The following CA10 variants were observed in gnomAD, a reference collection of about 807,000 sequenced individuals.
CA10 encodes carbonic anhydrase-related protein 10.
Under a neutral mutation model 44.2 loss-of-function variants are expected in CA10, and 14 were observed. That is an observed-to-expected ratio of 0.32 (90% CI 0.21 to 0.50). CA10 has a LOEUF of 0.50. Ranked by LOEUF, CA10 falls within the 20% of genes least tolerant of loss-of-function variation. CA10 has a pLI of 0.99. For synonymous variants in CA10, 159 were observed against 141.6 expected (o/e 1.12, Z -0.87); for missense variants, 350 against 409.7 (o/e 0.85, Z 1.26).
At chr17:52,047,700 C>T (rs1986949917) in intron 2 of CA10, among the ~76,000 whole-genome samples, 1 of 151,758 alleles carries the variant, frequency 6.6e-6, no homozygotes, top group African/African-American at 2.4e-5. Flanking sequence ...AGTTTTTCTT[C>T]TATAGTTATG....
intron 2 of CA10, among the ~76,000 whole-genome samples, chr17:51,960,326 A>T (rs1402248316): frequency 6.6e-6 from 1 of 152,080 alleles, no homozygotes; most frequent in Non-Finnish European, 1.5e-5. Context: ...GGGGGCAGGT[A>T]AGAGATTGGT....
In CA10 at chr17:51,819,145, G is replaced by T. The variant is rs1038903971; in HGVS notation, c.280-71327C>A. Among the ~76,000 whole-genome samples the T allele has an allele frequency of 1.3e-5, 2 of 152,174 alleles. 1 individual carries two copies. Among genetic ancestry groups the T allele is most frequent in the South Asian group, 4.1e-4 (2 of 4,826 alleles). On this transcript the variant is annotated intron_variant, in intron 3 of 8. Coordinates refer to ENST00000451037, the MANE Select transcript of CA10 (RefSeq NM_020178.5). ...ATCTTAGAAAATCACTGCTAGTTTAGGTCTCTTGCTTGGAATTACTAAATG... is the reference window on the plus strand; with the variant it reads ...ATCTTAGAAAATCACTGCTAGTTTATGTCTCTTGCTTGGAATTACTAAATG...
chr17:52,058,117 G>T (rs897378554), intron 2 of CA10, among the ~76,000 whole-genome samples: 3 of 152,088 alleles, frequency 2.0e-5, no homozygotes, highest in African/African-American at 4.8e-5. Flanking sequence ...CTTACATGAG[G>T]TAGTGTCTTT....
chr17:51,937,862 A>T (rs1319478475), intron 2 of CA10, among the ~76,000 whole-genome samples: 2 of 152,160 alleles, frequency 1.3e-5, no homozygotes, highest in Non-Finnish European at 2.9e-5. Context: ...TAGAGAGTGC[A>T]TTATTTTAAT....
At chr17:52,083,826 A>T (rs181148114) in intron 1 of CA10, among the ~76,000 whole-genome samples, 1 of 152,088 alleles carries the variant, frequency 6.6e-6, no homozygotes, top group East Asian at 1.9e-4. Flanking sequence ...ATAGAGACTT[A>T]TGTTGATTCC....
intron 2 of CA10, among the ~76,000 whole-genome samples, chr17:52,071,424 C>A (rs1987676415): frequency 6.6e-6 from 1 of 152,084 alleles, no homozygotes; most frequent in Non-Finnish European, 1.5e-5. Flanking sequence ...CTCTGCACAG[C>A]TGGTGTAATA....
intron 3 of CA10, among the ~76,000 whole-genome samples, chr17:51,773,567 GT>G (rs1454663211): frequency 6.6e-6 from 1 of 152,160 alleles, no homozygotes; most frequent in Non-Finnish European, 1.5e-5. Flanking sequence ...CTAAATCTTG[GT>G]TCTGCTCCTT....
intron 4 of CA10, among the ~76,000 whole-genome samples, chr17:51,745,068 C>A (rs1400598580): frequency 6.6e-6 from 1 of 152,152 alleles, no homozygotes; most frequent in Non-Finnish European, 1.5e-5. Context: ...TGTGTGACCA[C>A]CCTACTTGGG....
intron 1 of CA10, among the ~76,000 whole-genome samples, chr17:52,132,789 A>T (rs368506374): frequency 3.1e-4 from 47 of 152,174 alleles, no homozygotes; most frequent in Non-Finnish European, 5.9e-4. Flanking sequence ...TGCATGTACC[A>T]GGTACAGAAG....
intron 3 of CA10, among the ~76,000 whole-genome samples, chr17:51,793,019 T>C (rs1460621067): frequency 2.6e-5 from 4 of 152,210 alleles, no homozygotes; most frequent in Non-Finnish European, 5.9e-5. Flanking sequence ...GCTTTTCTTC[T>C]AAGAATTTTG....
chr17:51,810,273 A>T (rs570776403), intron 3 of CA10, among the ~76,000 whole-genome samples: 1 of 152,340 alleles, frequency 6.6e-6, no homozygotes, highest in South Asian at 2.1e-4. Context: ...TTCTAGCTGA[A>T]TTCTTAGATC....
intron 2 of CA10, among the ~76,000 whole-genome samples, chr17:52,039,506 C>T (rs999924423): frequency 2.0e-5 from 3 of 151,938 alleles, no homozygotes; most frequent in Non-Finnish European, 4.4e-5. Flanking sequence ...CAATGGGCTC[C>T]CTGTGATCAT....
intron 2 of CA10, among the ~76,000 whole-genome samples, chr17:52,011,191 C>T (rs1205693406): frequency 6.6e-6 from 1 of 151,776 alleles, no homozygotes; most frequent in Admixed American, 6.6e-5. Context: ...TGGAGCCTAT[C>T]ATTTATGTTA....
intron 2 of CA10, among the ~76,000 whole-genome samples, chr17:52,049,938 T>C (rs1987013387): frequency 6.6e-6 from 1 of 152,114 alleles, no homozygotes; most frequent in Non-Finnish European, 1.5e-5. Context: ...TATGCCACAG[T>C]TGCCTACAGT....
At chr17:52,045,505 G>T (rs1417048671) in intron 2 of CA10, among the ~76,000 whole-genome samples, 2 of 151,928 alleles carry the variant, frequency 1.3e-5, no homozygotes, top group Non-Finnish European at 2.9e-5. Context: ...ACATGAGTAG[G>T]AATAAAATAT....
chr17:51,798,542 T>C (rs1400339259), intron 3 of CA10, among the ~76,000 whole-genome samples: 1 of 152,262 alleles, frequency 6.6e-6, no homozygotes, highest in Non-Finnish European at 1.5e-5. Context: ...CAGCTTAAGT[T>C]ACTCCTTTTT....
At chr17:51,679,788 A>C (rs1914778656) in intron 4 of CA10, among the ~76,000 whole-genome samples, 1 of 152,166 alleles carries the variant, frequency 6.6e-6, no homozygotes, top group Non-Finnish European at 1.5e-5. Context: ...GCCGTACAGC[A>C]GATTCAGCAA....
intron 3 of CA10, among the ~76,000 whole-genome samples, chr17:51,908,308 T>C (rs1160387643): frequency 6.6e-6 from 1 of 152,190 alleles, no homozygotes; most frequent in Non-Finnish European, 1.5e-5. Context: ...TTTGGTCATA[T>C]TGACACATCA....
intron 3 of CA10, among the ~76,000 whole-genome samples, chr17:51,775,220 G>T (rs1367040321): frequency 6.6e-6 from 1 of 152,190 alleles, no homozygotes; most frequent in Non-Finnish European, 1.5e-5. Flanking sequence ...GCACAGTCTG[G>T]TTTACTCTCT....
Sources: allele counts gnomAD v4.1 joint callset (sites outside exome capture counted in the v4.1 genomes callset), GRCh38; gene constraint gnomAD v4.1.1; transcripts MANE v1.5; gene names NCBI Gene and HGNC (gene_info 2026-07-23, HGNC 2026-07-21).